EYS: variants seen among roughly 807,000 people sequenced by gnomAD.
EYS encodes the protein protein eyes shut homolog.
A neutral mutation model predicts 282.1 loss-of-function variants in EYS; 250 were observed. That is an observed-to-expected ratio of 0.89 (90% CI 0.80 to 0.98). The LOEUF (loss-of-function observed/expected upper bound fraction) is 0.98. Among genes scored for constraint, EYS ranks in the 50% least tolerant of loss-of-function variants. The pLI is 0.00. For synonymous variants in EYS, 1,355 were observed against 1,282.9 expected (o/e 1.06, Z -1.20); for missense variants, 4,016 against 3,709.0 (o/e 1.08, Z -2.15).
At chr6:64,245,883 G>A (rs1766995448) in intron 30 of EYS, among the ~76,000 whole-genome samples, 1 of 151,740 alleles carries the variant, frequency 6.6e-6, no homozygotes, top group Non-Finnish European at 1.5e-5. Flanking sequence ...GCCGGGCATG[G>A]TGGCGCACGC....
At chr6:63,728,528 A>G (rs773016424) in intron 41 of EYS, among the ~76,000 whole-genome samples, 4 of 152,172 alleles carry the variant, frequency 2.6e-5, no homozygotes, top group Non-Finnish European at 4.4e-5. Flanking sequence ...CACTGTCAGT[A>G]TTGCCCACTA....
intron 22 of EYS, among the ~76,000 whole-genome samples, chr6:64,783,744 T>C (rs1171109310): frequency 2.0e-5 from 3 of 152,166 alleles, no homozygotes; most frequent in African/African-American, 7.2e-5. Context: ...TTATCTTTCA[T>C]TTGAGAACTT....
At chr6:64,571,026 A>C (rs1013647134) in intron 26 of EYS, among the ~76,000 whole-genome samples, 2 of 152,136 alleles carry the variant, frequency 1.3e-5, no homozygotes, top group African/African-American at 2.4e-5. Context: ...CCATATAATT[A>C]GAAGTGAAAC....
At chr6:65,124,211 A>G (rs1377698867) in intron 12 of EYS, among the ~76,000 whole-genome samples, 2 of 152,150 alleles carry the variant, frequency 1.3e-5, no homozygotes, top group Admixed American at 6.5e-5. Flanking sequence ...ATGTAAAAAA[A>G]AACATTGAAA....
chr6:64,923,932 G>C (rs900336920), intron 15 of EYS, among the ~76,000 whole-genome samples: 1 of 152,108 alleles, frequency 6.6e-6, no homozygotes, highest in African/African-American at 2.4e-5. Context: ...CAGGCACATG[G>C]TGCAAGCTGT....
In EYS at chr6:64,626,268, A is replaced by T. The variant is rs773975606; in HGVS notation, c.3444-23T>A. 6 of 1,517,788 alleles carry T rather than the reference A, an allele frequency of 4.0e-6. No individual in the cohort carries two copies. The South Asian group carries it at 6.6e-5, about 17-fold the overall frequency. The allele number at this position is 1,517,788 out of a possible 1,614,324, so 94.0% of individuals were successfully genotyped here. ...CATCTAAGGAAAAAAAATGAAAACGATATTTGTATATATTATACACATGAG... is the reference window on the plus strand; with the variant it reads ...CATCTAAGGAAAAAAAATGAAAACGTTATTTGTATATATTATACACATGAG... On this transcript the variant is annotated intron_variant, in intron 22 of 42. Coordinates refer to ENST00000503581, the MANE Select transcript of EYS (RefSeq NM_001142800.2).
At chr6:64,803,858 G>A (rs1764341144) in intron 22 of EYS, among the ~76,000 whole-genome samples, 1 of 152,306 alleles carries the variant, frequency 6.6e-6, no homozygotes, top group Non-Finnish European at 1.5e-5. Context: ...AAGAGTCCAG[G>A]CAGCAAGAGC....
At chr6:64,279,621 G>A (rs1049805438) in intron 30 of EYS, among the ~76,000 whole-genome samples, 4 of 152,276 alleles carry the variant, frequency 2.6e-5, no homozygotes, top group African/African-American at 9.6e-5. Context: ...TAACACGCAG[G>A]TCTTGGAGGA....
chr6:64,756,394 C>T (rs1772937194), intron 22 of EYS, among the ~76,000 whole-genome samples: 1 of 152,036 alleles, frequency 6.6e-6, no homozygotes, highest in Admixed American at 6.6e-5. Context: ...CTTTTTTAAG[C>T]ATTAGATGCA....
intron 2 of EYS, among the ~76,000 whole-genome samples, chr6:65,612,220 T>C (rs1418748837): frequency 3.3e-5 from 5 of 150,766 alleles, no homozygotes; most frequent in Non-Finnish European, 1.5e-5. Context: ...ATATATGATA[T>C]ATATGTGTAT....
At chr6:63,729,882 C>T (rs529769358) in intron 41 of EYS, among the ~76,000 whole-genome samples, 2 of 152,268 alleles carry the variant, frequency 1.3e-5, no homozygotes, top group South Asian at 4.2e-4. Context: ...TAAGAAATAC[C>T]TATACATATG....
At chr6:65,581,484 A>AT (rs1764869605) in intron 2 of EYS, among the ~76,000 whole-genome samples, 1 of 152,138 alleles carries the variant, frequency 6.6e-6, no homozygotes, top group Non-Finnish European at 1.5e-5. Flanking sequence ...TCAAAGTAAA[A>AT]TTTTTGCCAG....
chr6:64,016,130 G>C (rs970800126), intron 33 of EYS, among the ~76,000 whole-genome samples: 1 of 152,190 alleles, frequency 6.6e-6, no homozygotes, highest in African/African-American at 2.4e-5. Context: ...AATCAGGACA[G>C]ACTGGAATAA....
intron 24 of EYS, among the ~76,000 whole-genome samples, chr6:64,601,485 C>G (rs1350459709): frequency 6.6e-6 from 1 of 152,040 alleles, no homozygotes; most frequent in Admixed American, 6.6e-5. Flanking sequence ...TCTTCTATCT[C>G]ACACATCTAC....
At chr6:64,038,942 C>G (rs1466263312) in intron 33 of EYS, among the ~76,000 whole-genome samples, 1 of 152,016 alleles carries the variant, frequency 6.6e-6, no homozygotes, top group Admixed American at 6.6e-5. Flanking sequence ...GTAGCTAGAA[C>G]CACAGGTCCC....
chr6:64,815,666 C>G (rs892104195), intron 21 of EYS, among the ~76,000 whole-genome samples: 2 of 151,794 alleles, frequency 1.3e-5, no homozygotes, highest in Admixed American at 6.6e-5. Context: ...AGTGCTTTCC[C>G]AAAGAGTTCA....
At chr6:65,383,595 A>G (rs1765696166) in intron 8 of EYS, among the ~76,000 whole-genome samples, 1 of 151,478 alleles carries the variant, frequency 6.6e-6, no homozygotes, top group Non-Finnish European at 1.5e-5. Context: ...TTTTGAAAAA[A>G]AAAAGCTTTG....
At position 64,575,526 on chromosome 6, in the gene EYS, G is replaced by A. The variant is rs117844590; in HGVS notation, c.5644+14697C>T. Among the ~76,000 whole-genome samples, 14 of 152,174 alleles carry A rather than the reference G, an allele frequency of 9.2e-5. No individual in the cohort carries two copies. The East Asian group carries it at 1.9e-3, about 21-fold the overall frequency. ...GTAAGAACTGCCTCAGAGCATCAGCGAGCTAGTGAAACATTAAAACGTATA... is the reference window on the plus strand; with the variant it reads ...GTAAGAACTGCCTCAGAGCATCAGCAAGCTAGTGAAACATTAAAACGTATA... On this transcript the variant is annotated intron_variant, in intron 26 of 42. Transcript: ENST00000503581.
intron 1 of EYS, among the ~76,000 whole-genome samples, chr6:65,650,306 C>T (rs1767607844): frequency 3.3e-5 from 5 of 152,278 alleles, no homozygotes; most frequent in South Asian, 2.1e-4. Context: ...ACACACAATG[C>T]TCTCTTTGAG....
Sources: gnomAD v4.1 joint callset for allele counts (sites outside exome capture counted in the v4.1 genomes callset) on GRCh38, gnomAD v4.1.1 for gene constraint, MANE v1.5 for transcripts, NCBI Gene and HGNC (gene_info 2026-07-23, HGNC 2026-07-21) for gene names.